The following KIF26B variants were observed in gnomAD, a reference collection of about 807,000 sequenced individuals.
KIF26B encodes the protein kinesin family member 26B, also known as kinesin-like protein KIF26B.
A neutral mutation model predicts 151.2 loss-of-function variants in KIF26B; 63 were observed. That is an observed-to-expected ratio of 0.42 (90% confidence interval 0.34 to 0.51). The LOEUF is 0.51. KIF26B is among the 20% of genes least tolerant of loss of function. The probability of loss-of-function intolerance (pLI) is 0.07; values close to 1 mark genes in which losing one functional copy is unlikely to be tolerated. For synonymous variants in KIF26B, 1,357 were observed against 1,262.1 expected, an observed-to-expected ratio of 1.08 and a Z score of -1.59; for missense variants, 2,813 against 2,913.6, an observed-to-expected ratio of 0.97 and a Z score of 0.79.
At chr1:245,344,373 T>C (rs558709552) in intron 2 of KIF26B, among the ~76,000 whole-genome samples, 2 of 151,984 alleles carry the variant, frequency 1.3e-5, no homozygotes, top group East Asian at 3.9e-4. Context: ...TATCCTCTAG[T>C]AGTCCCAGCT....
chr1:245,331,410 C>T (rs1353354573), intron 2 of KIF26B, among the ~76,000 whole-genome samples: 4 of 152,174 alleles, frequency 2.6e-5, no homozygotes, highest in South Asian at 4.1e-4. Flanking sequence ...AAGAAAAGCC[C>T]GCAGTCGTCC....
chr1:245,534,049 T>C (rs1241412407), intron 4 of KIF26B, among the ~76,000 whole-genome samples: 1 of 152,156 alleles, frequency 6.6e-6, no homozygotes, highest in African/African-American at 2.4e-5. Flanking sequence ...AGTGAGGCTA[T>C]GGAGAGAAAG....
rs1368542588 is a variant in KIF26B, at chr1:245,704,059, T to C, written c.*1453T>C. 1.3e-5 allele frequency: 2 copies of C among 151,860 alleles called. No individual in the cohort carries two copies. The highest frequency in any genetic ancestry group is 2.9e-5 in the Non-Finnish European group (2 of 67,978). 9.4% of individuals were successfully genotyped at this position (151,860 alleles called of 1,614,324 possible). A position where few individuals can be genotyped will look rare whatever the true frequency, so the allele number is the denominator to read the frequency against. ...GGAATTATGATACCCATTTTAGTGA[T>C]TGATAGAAACCTGGGGTACAGAGTG... On this transcript the variant is annotated 3_prime_UTR_variant, in exon 15 of 15. Coordinates refer to ENST00000407071, the MANE Select transcript of KIF26B (RefSeq NM_018012.4).
At chr1:245,178,866 C>T (rs1052896222) in intron 2 of KIF26B, among the ~76,000 whole-genome samples, 14 of 152,182 alleles carry the variant, frequency 9.2e-5, no homozygotes, top group Non-Finnish European at 1.5e-4. Flanking sequence ...TACAGCCATC[C>T]GAGCAGACGG....
At chr1:245,295,070 A>C (rs1671315032) in intron 2 of KIF26B, among the ~76,000 whole-genome samples, 1 of 152,172 alleles carries the variant, frequency 6.6e-6, no homozygotes, top group Non-Finnish European at 1.5e-5. Context: ...GGAAAATTGC[A>C]GAGAGTTAGG....
chr1:245,701,336 C>T (rs1433280516), intron 14 of KIF26B, among the ~76,000 whole-genome samples: 1 of 152,190 alleles, frequency 6.6e-6, no homozygotes, highest in Non-Finnish European at 1.5e-5. Flanking sequence ...TCTATTATTT[C>T]TTCATTCTGA....
intron 2 of KIF26B, among the ~76,000 whole-genome samples, chr1:245,287,721 T>A (rs982308286): frequency 6.6e-6 from 1 of 152,058 alleles, no homozygotes; most frequent in African/African-American, 2.4e-5. Context: ...CAGGCTGGTC[T>A]CAAACTCCCG....
intron 2 of KIF26B, among the ~76,000 whole-genome samples, chr1:245,319,016 G>T (rs145112612): frequency 6.6e-6 from 1 of 152,198 alleles, no homozygotes; most frequent in African/African-American, 2.4e-5. Context: ...AGTTTTGGGT[G>T]CCTACGGCTT....
At chr1:245,371,385 T>G (rs2103012668) in intron 3 of KIF26B, 1 of 152,432 alleles carries the variant, frequency 6.6e-6, no homozygotes, top group East Asian at 1.9e-4. Flanking sequence ...ACCTCATTTT[T>G]CCTGCTTACC....
intron 2 of KIF26B, among the ~76,000 whole-genome samples, chr1:245,158,817 G>T (rs1284158588): frequency 3.3e-5 from 5 of 149,702 alleles, no homozygotes; most frequent in Admixed American, 1.3e-4. Context: ...CAAAATTTCT[G>T]CAAGCCTTTG....
chr1:245,155,517 C>T (rs374748538), intron 1 of KIF26B, 30 bp downstream of exon 1: 60 of 1,575,588 alleles, frequency 3.8e-5, no homozygotes, highest in South Asian at 1.2e-4. Flanking sequence ...CGCGGAGACG[C>T]GTTACCAGAC....
chr1:245,156,231 G>C, intron 1 of KIF26B, 51 bp from the exon 2 acceptor site: 1 of 1,526,040 alleles, frequency 6.6e-7, no homozygotes. Context: ...GCTCCTGGGC[G>C]CTGCAGCCCG....
At chr1:245,231,390 C>T (rs909403474) in intron 2 of KIF26B, among the ~76,000 whole-genome samples, 1 of 152,036 alleles carries the variant, frequency 6.6e-6, no homozygotes, top group African/African-American at 2.4e-5. Context: ...GTGGCAGGCA[C>T]GTGTAATCCC....
chr1:245,545,202 A>G (rs1368289500), intron 5 of KIF26B, among the ~76,000 whole-genome samples: 1 of 151,908 alleles, frequency 6.6e-6, no homozygotes, highest in East Asian at 1.9e-4. Flanking sequence ...CCGGGGTTCA[A>G]GTGATTCTCT....
intron 12 of KIF26B, 106 bp from the exon 13 acceptor site, chr1:245,698,000 C>G (rs544685212): frequency 2.0e-6 from 2 of 999,216 alleles, no homozygotes; most frequent in African/African-American, 3.3e-5. Context: ...ATGGATCGCA[C>G]CACTGCACTC....
chr1:245,247,761 C>T (rs2103563479), intron 2 of KIF26B, among the ~76,000 whole-genome samples: 1 of 152,298 alleles, frequency 6.6e-6, no homozygotes. Context: ...GAAGGCAGGC[C>T]TTGCCCCAGA....
intron 2 of KIF26B, among the ~76,000 whole-genome samples, chr1:245,178,051 A>T (rs1050643440): frequency 6.6e-6 from 1 of 152,178 alleles, no homozygotes; most frequent in African/African-American, 2.4e-5. Flanking sequence ...CTAGATTGGG[A>T]TGTTTCTGGG....
At chr1:245,291,775 G>A (rs1387835853) in intron 2 of KIF26B, among the ~76,000 whole-genome samples, 1 of 152,218 alleles carries the variant, frequency 6.6e-6, no homozygotes, top group Non-Finnish European at 1.5e-5. Context: ...TGGGTAGGAA[G>A]GGGTGTTCTC....
intron 2 of KIF26B, among the ~76,000 whole-genome samples, chr1:245,351,048 C>T (rs1672557632): frequency 6.6e-6 from 1 of 152,216 alleles, no homozygotes; most frequent in Admixed American, 6.5e-5. Context: ...GAACAGAGCA[C>T]ACAAGACATG....
Sources: gnomAD v4.1 joint callset for allele counts (sites outside exome capture counted in the v4.1 genomes callset) on GRCh38, gnomAD v4.1.1 for gene constraint, MANE v1.5 for transcripts, NCBI Gene and HGNC (gene_info 2026-07-23, HGNC 2026-07-21) for gene names.